The following MAGI3 variants were observed in gnomAD, a reference collection of about 807,000 sequenced individuals.
The protein encoded by MAGI3 is membrane-associated guanylate kinase, WW and PDZ domain-containing protein 3.
Under a neutral mutation model 121.8 loss-of-function variants are expected in MAGI3, and 43 were observed. The observed-to-expected ratio is 0.35, with a 90% CI of 0.28 to 0.46. The LOEUF is 0.46. Among genes scored for constraint, MAGI3 ranks in the 20% least tolerant of loss-of-function variants. MAGI3 has a pLI of 1.00. For missense variants in MAGI3, 1,547 were observed against 1,797.3 expected, an observed-to-expected ratio of 0.86 and a Z score of 2.52; for synonymous variants, 553 against 639.3, an observed-to-expected ratio of 0.86 and a Z score of 2.04.
chr1:113,496,581 G>GTT lies in MAGI3; in HGVS notation c.317-52932_317-52931dup, dbSNP rs1046954054. Among the ~76,000 whole-genome samples, 74 of 152,010 alleles carry GTT rather than the reference G, an allele frequency of 4.9e-4. 1 individual carries two copies. Among genetic ancestry groups the GTT allele is most frequent in the African/African-American group, 1.7e-3 (70 of 41,400 alleles). On this transcript the variant is annotated intron_variant, in intron 1 of 20. Coordinates refer to ENST00000307546, the MANE Select transcript of MAGI3 (RefSeq NM_001142782.2). ...AATAAATTTTGATAATCAGTTTCTTGTTTGTTTATCTGTTTATTGATCTAT... is the reference window on the plus strand; with the variant it reads ...AATAAATTTTGATAATCAGTTTCTTGTTTTTGTTTATCTGTTTATTGATCTAT...
At chr1:113,639,827 CA>C (rs1184334783) in intron 9 of MAGI3, among the ~76,000 whole-genome samples, 1 of 152,010 alleles carries the variant, frequency 6.6e-6, no homozygotes, top group Non-Finnish European at 1.5e-5. Flanking sequence ...CTCAGCCTCC[CA>C]AAGTGCGGGG....
At chr1:113,479,745 T>C (rs1656023245) in intron 1 of MAGI3, among the ~76,000 whole-genome samples, 2 of 152,152 alleles carry the variant, frequency 1.3e-5, no homozygotes, top group Admixed American at 1.3e-4. Context: ...CTTTTGATAC[T>C]CCATAAGTGC....
At chr1:113,599,736 C>T (rs573962211) in intron 6 of MAGI3, among the ~76,000 whole-genome samples, 27 of 151,626 alleles carry the variant, frequency 1.8e-4, no homozygotes, top group African/African-American at 6.5e-4. Flanking sequence ...CCAGCATCAT[C>T]CTGATACCAA....
intron 1 of MAGI3, among the ~76,000 whole-genome samples, chr1:113,428,504 C>T (rs1450475294): frequency 2.0e-5 from 3 of 152,142 alleles, no homozygotes; most frequent in African/African-American, 7.2e-5. Context: ...CTTTCTGAAC[C>T]ACTATAGTGT....
At chr1:113,416,292 A>G (rs1652371768) in intron 1 of MAGI3, among the ~76,000 whole-genome samples, 1 of 82,386 alleles carries the variant, frequency 1.2e-5, no homozygotes, top group Non-Finnish European at 2.6e-5. Context: ...CATATTAATT[A>G]TGTAATTAAT....
At chr1:113,539,353 A>C (rs1180544423) in intron 1 of MAGI3, among the ~76,000 whole-genome samples, 1 of 151,582 alleles carries the variant, frequency 6.6e-6, no homozygotes, top group East Asian at 1.9e-4. Context: ...AGATCACGCC[A>C]CTGCACTCCA....
intron 16 of MAGI3, among the ~76,000 whole-genome samples, chr1:113,670,890 A>T (rs187784693): frequency 1.8e-3 from 277 of 152,358 alleles, no homozygotes; most frequent in Non-Finnish European, 2.3e-3. Context: ...CTCAGAGTTC[A>T]TGGTCTTAAT....
At chr1:113,522,433 G>A (rs1030737452) in intron 1 of MAGI3, among the ~76,000 whole-genome samples, 2 of 152,106 alleles carry the variant, frequency 1.3e-5, no homozygotes, top group African/African-American at 4.8e-5. Context: ...AATTATTCAT[G>A]TGCTTATCTT....
At chr1:113,451,493 A>G (rs1368477590) in intron 1 of MAGI3, among the ~76,000 whole-genome samples, 12 of 152,350 alleles carry the variant, frequency 7.9e-5, no homozygotes, top group Admixed American at 7.8e-4. Context: ...CACCCTTCTC[A>G]TTTATGGTAC....
chr1:113,642,730 G>C (rs1652619265), intron 10 of MAGI3, among the ~76,000 whole-genome samples: 1 of 152,264 alleles, frequency 6.6e-6, no homozygotes, highest in African/African-American at 2.4e-5. Context: ...GTCCATTATG[G>C]ATTTATTTCC....
chr1:113,549,713 G>A (rs749994203), intron 2 of MAGI3, 82 bp downstream of exon 2: 1 of 660,436 alleles, frequency 1.5e-6, no homozygotes. Flanking sequence ...GTTTGATGGA[G>A]TATTTCACAT....
At chr1:113,638,415 A>G (rs1435942509) in intron 9 of MAGI3, among the ~76,000 whole-genome samples, 2 of 152,098 alleles carry the variant, frequency 1.3e-5, no homozygotes, top group African/African-American at 2.4e-5. Flanking sequence ...TTTGGTGTGG[A>G]TGTCCTTTCT....
chr1:113,588,357 G>T lies in MAGI3; in HGVS notation c.764-2127G>T, dbSNP rs148842706. Among the ~76,000 whole-genome samples the T allele has an allele frequency of 3.3e-5, 5 of 152,312 alleles. No individual in the cohort carries two copies. In the East Asian group the frequency reaches 9.6e-4, roughly 29 times the overall value. On this transcript the variant is annotated intron_variant, in intron 4 of 20. Coordinates refer to ENST00000307546, the MANE Select transcript of MAGI3 (RefSeq NM_001142782.2). ...ATACAATGTGGACAATGCATTCTATGTGGTTGGAGCAGAGTGATGGAAGGC... is the reference window on the plus strand; with the variant it reads ...ATACAATGTGGACAATGCATTCTATTTGGTTGGAGCAGAGTGATGGAAGGC...
chr1:113,518,484 C>T (rs1433966985), intron 1 of MAGI3, among the ~76,000 whole-genome samples: 1 of 151,938 alleles, frequency 6.6e-6, no homozygotes, highest in Admixed American at 6.6e-5. Flanking sequence ...TTTGTGTCTA[C>T]ATATAGTACA....
intron 1 of MAGI3, among the ~76,000 whole-genome samples, chr1:113,453,761 G>T (rs1282415795): frequency 6.6e-6 from 1 of 152,194 alleles, no homozygotes; most frequent in African/African-American, 2.4e-5. Context: ...GCTATGATAG[G>T]CCTTTATGGC....
At chr1:113,523,070 A>T (rs1290355752) in intron 1 of MAGI3, among the ~76,000 whole-genome samples, 1 of 152,126 alleles carries the variant, frequency 6.6e-6, no homozygotes, top group East Asian at 1.9e-4. Flanking sequence ...AAGTCTCACG[A>T]GATCTGATGG....
chr1:113,429,410 G>A (rs1350036589), intron 1 of MAGI3, among the ~76,000 whole-genome samples: 2 of 152,192 alleles, frequency 1.3e-5, no homozygotes, highest in African/African-American at 4.8e-5. Flanking sequence ...CCACAGGGTG[G>A]GAGTGGGCTC....
rs139532433 is a variant in MAGI3 at position 113,395,087 on chromosome 1, G to GTTTTTTTTT, written c.316+3759_316+3767dup. 5.7e-3 allele frequency among the ~76,000 whole-genome samples: 190 copies of GTTTTTTTTT among 33,234 alleles called. 17 individuals are homozygous for GTTTTTTTTT. The highest frequency in any genetic ancestry group is 7.3e-3 in the Non-Finnish European group (144 of 19,640). The allele number at this position is 33,234 out of a possible 152,430, so 21.8% of individuals were successfully genotyped here. On this transcript the variant is annotated intron_variant, in intron 1 of 20. Coordinates refer to ENST00000307546, the MANE Select transcript of MAGI3 (RefSeq NM_001142782.2). ...TCTTATCTCTTGAATCTTTTTGTTA[G>GTTTTTTTTT]TTTTTTTTTTTTTTTTTTTTTTTTT... is the stretch of plus-strand genomic sequence containing the variant.
chr1:113,466,612 T>G (rs1490082844), intron 1 of MAGI3, among the ~76,000 whole-genome samples: 1 of 152,174 alleles, frequency 6.6e-6, no homozygotes, highest in Non-Finnish European at 1.5e-5. Context: ...TTCCACACTT[T>G]TCTTTGATGG....
Sources: gnomAD v4.1 joint callset for allele counts (sites outside exome capture counted in the v4.1 genomes callset) on GRCh38, gnomAD v4.1.1 for gene constraint, MANE v1.5 for transcripts, NCBI Gene and HGNC (gene_info 2026-07-23, HGNC 2026-07-21) for gene names.